Variants in C3orf18 observed in about 807,000 individuals in gnomAD.
C3orf18 encodes the protein chromosome 3 open reading frame 18, also known as uncharacterized protein C3orf18.
In C3orf18, 12 loss-of-function variants were observed where a neutral mutation model predicts 14.1. The ratio of observed to expected loss-of-function variants is 0.85; its 90% CI spans 0.55 to 1.38. C3orf18 has a LOEUF of 1.38. C3orf18 is among the 40% of genes most tolerant of loss of function. C3orf18 has a pLI of 0.00. For missense variants in C3orf18, 196 were observed against 213.9 expected, an observed-to-expected ratio of 0.92 and a Z score of 0.52; for synonymous variants, 82 against 87.9, an observed-to-expected ratio of 0.93 and a Z score of 0.38.
At chr3:50,573,445 G>C (rs1212518925), upstream of C3orf18, among the ~76,000 whole-genome samples, 1 of 152,262 alleles carries the variant, frequency 6.6e-6, no homozygotes, top group Non-Finnish European at 1.5e-5. Flanking sequence ...GTCAGGGCAT[G>C]GTGACTTTTG....
upstream of C3orf18, among the ~76,000 whole-genome samples, chr3:50,572,979 C>T (rs546205177): frequency 5.9e-5 from 9 of 152,302 alleles, no homozygotes; most frequent in East Asian, 1.5e-3. Flanking sequence ...TCTAGAAAGA[C>T]CTAGGCACAC....
intron 3 of C3orf18, chr3:50,562,567 GCAACATACTGACACCCCGTCTCTA>G (rs1236335891): frequency 2.2e-6 from 1 of 455,798 alleles, no homozygotes; most frequent in Non-Finnish European, 4.4e-6. Flanking sequence ...TCCAGCCTGG[GCAACATACTGACACCCCGTCTCTA>G]CAACATGTAA....
At chr3:50,566,479 A>C (rs1017714227) in intron 1 of C3orf18, among the ~76,000 whole-genome samples, 2 of 151,938 alleles carry the variant, frequency 1.3e-5, no homozygotes, top group African/African-American at 4.9e-5. Flanking sequence ...GACTTAGCTC[A>C]GCACAACCCC....
upstream of C3orf18, chr3:50,572,065 T>C (rs1343293832): frequency 6.2e-7 from 1 of 1,610,906 alleles, no homozygotes; most frequent in Non-Finnish European, 8.5e-7. Flanking sequence ...GGCATGGTCC[T>C]GTTGGTCCTA....
At position 50,558,896 on chromosome 3, in the gene C3orf18, CAT is replaced by C. The variant is rs759782568; in HGVS notation, c.*759_*760del. ...TCTGCCCGCTGTGCTGGGACAGGCA[CAT>C]GTCTGCCCATGGGCACACTCATGCA... On this transcript the variant is annotated 3_prime_UTR_variant, in exon 6 of 6. Transcript: ENST00000357203. The C allele has an allele frequency of 3.5e-5, 45 of 1,289,446 alleles. No homozygotes were observed. In the South Asian group the frequency reaches 3.6e-4, roughly 10 times the overall value. The allele number at this position is 1,289,446 out of a possible 1,614,324, so 79.9% of individuals were successfully genotyped here.
rs777536211 is a variant in C3orf18 at position 50,561,031 on chromosome 3, C to T, written c.294G>A (p.Met98Ile). The T allele has an allele frequency of 3.1e-6, 5 of 1,614,070 alleles. No individual in the cohort carries two copies. Among genetic ancestry groups the T allele is most frequent in the East Asian group, 2.2e-5 (1 of 44,892 alleles). Residue 98 changes from methionine (M) to isoleucine (I), a missense_variant, in exon 5 of 6, where the codon ATG (methionine) becomes ATA (isoleucine). Physicochemically the swap from Met to Ile is conservative, Grantham distance 10. Transcript: ENST00000357203. ...LEKLRHQLMP[M>I]YNFDPTEEQD... is the part of the protein sequence containing the mutation. ...GTTCCTCCGTGGGGTCGAAGTTGTA[C>T]ATGGGCATGAGCTGGTGGCGTAGCT...
upstream of C3orf18, chr3:50,569,515 G>A (rs1700636578): frequency 6.7e-6 from 1 of 150,176 alleles, no homozygotes; most frequent in South Asian, 2.1e-4. Context: ...CGCACGTCCG[G>A]GCGTCCAGTT....
At chr3:50,570,977 A>G (rs1005174148), upstream of C3orf18, 4 of 645,736 alleles carry the variant, frequency 6.2e-6, no homozygotes, top group East Asian at 1.2e-4. Context: ...TTGGGGCACC[A>G]GAGCTTGTGA....
At chr3:50,560,179 A>G (rs1699879245) in intron 5 of C3orf18, among the ~76,000 whole-genome samples, 1 of 152,202 alleles carries the variant, frequency 6.6e-6, no homozygotes, top group Non-Finnish European at 1.5e-5. Context: ...AGCTGGTGGC[A>G]AAACCAAAGG....
In C3orf18 at chr3:50,559,674, TG is replaced by T; in HGVS notation, c.471del (p.Asn158MetfsTer15). The T allele has an allele frequency of 6.3e-7, 1 of 1,591,622 alleles. No homozygotes were observed. The highest frequency in any genetic ancestry group is 8.6e-7 in the Non-Finnish European group (1 of 1,168,604). Reference protein sequence around the residue: ...RPSRLVFTDVANAIHA With the variant: ...RPSRLVFTDVXNAIHA ...CAGGCCACTCACGCATGGATGGCAT[TG>T]GCCACATCGGTAAACACCAGCCGGC... is the stretch of plus-strand genomic sequence containing the variant. On this transcript the variant is annotated frameshift_variant, in exon 6 of 6. Transcript: ENST00000357203. LOFTEE classifies it high-confidence loss of function.
In C3orf18 at chr3:50,559,480, C is replaced by T. The variant is rs768358230; in HGVS notation, c.*177G>A. 1.4e-6 allele frequency: 2 copies of T among 1,424,976 alleles called. No individual in the cohort carries two copies. Among genetic ancestry groups the T allele is most frequent in the Non-Finnish European group, 1.8e-6 (2 of 1,088,356 alleles). The allele number at this position is 1,424,976 out of a possible 1,614,324, so 88.3% of individuals were successfully genotyped here. ...GGTCAGAAGTCCAGCCTGGCTAGGG[C>T]CCTCTCTTAGAGTCTAAAGTCAGCA... On this transcript the variant is annotated 3_prime_UTR_variant, in exon 6 of 6. Transcript: ENST00000357203.
At chr3:50,564,477 C>T (rs1194643951) in intron 3 of C3orf18, among the ~76,000 whole-genome samples, 3 of 152,194 alleles carry the variant, frequency 2.0e-5, no homozygotes, top group African/African-American at 7.2e-5. Flanking sequence ...GGCCAGGCTT[C>T]CACTTTGAGG....
upstream of C3orf18, among the ~76,000 whole-genome samples, chr3:50,572,378 G>C (rs577337085): frequency 3.3e-5 from 5 of 152,310 alleles, no homozygotes; most frequent in Non-Finnish European, 5.9e-5. Context: ...AGAGGACAGA[G>C]GATTCCTGTT....
chr3:50,561,074 G>A lies in C3orf18; in HGVS notation c.261-10C>T. The A allele has an allele frequency of 6.2e-7, 1 of 1,613,342 alleles. No individual in the cohort carries two copies. Among genetic ancestry groups the A allele is most frequent in the Middle Eastern group, 1.7e-4 (1 of 6,000 alleles). On this transcript the variant is annotated splice_polypyrimidine_tract_variant and intron_variant, in intron 4 of 5. Transcript: ENST00000357203. ...GCGTAGCTTCTCCAGCCTGGGGATGGGGGCAAAGGCTGCTGGGGACAGGGC... is the reference window on the plus strand; with the variant it reads ...GCGTAGCTTCTCCAGCCTGGGGATGAGGGCAAAGGCTGCTGGGGACAGGGC...
chr3:50,564,362 C>T (rs1031173586), intron 3 of C3orf18, among the ~76,000 whole-genome samples: 14 of 152,202 alleles, frequency 9.2e-5, no homozygotes, highest in African/African-American at 3.4e-4. Flanking sequence ...GGACTGACAC[C>T]AGATCAAGAG....
chr3:50,562,373 C>A, intron 3 of C3orf18: 1 of 421,650 alleles, frequency 2.4e-6, no homozygotes, highest in Non-Finnish European at 4.7e-6. Flanking sequence ...CAGCACCTGC[C>A]TGTGGCTCCC....
chr3:50,571,690 T>TA, upstream of C3orf18: 1 of 1,613,078 alleles, frequency 6.2e-7, no homozygotes, highest in South Asian at 1.1e-5. Flanking sequence ...GCCAGCCACT[T>TA]ATATTCTCTG....
At chr3:50,570,952 A>C, upstream of C3orf18, 1 of 549,090 alleles carries the variant, frequency 1.8e-6, no homozygotes. Flanking sequence ...ACTATATCTG[A>C]GGACCAGAGC....
At chr3:50,568,962 AC>A (rs1265532486), upstream of C3orf18, among the ~76,000 whole-genome samples, 2 of 151,932 alleles carry the variant, frequency 1.3e-5, no homozygotes, top group Admixed American at 6.6e-5. Flanking sequence ...CAGTCGGCCG[AC>A]CCCCTGGTGG....
Sources: allele counts gnomAD v4.1 joint callset (sites outside exome capture counted in the v4.1 genomes callset), GRCh38; gene constraint gnomAD v4.1.1; transcripts MANE v1.5; gene names NCBI Gene and HGNC (gene_info 2026-07-23, HGNC 2026-07-21).